The following TMEM108 variants were observed in gnomAD, a reference collection of about 807,000 sequenced individuals.
TMEM108 encodes transmembrane protein 108.
In TMEM108, 12 loss-of-function variants were observed where a neutral mutation model predicts 35.1. The ratio of observed to expected loss-of-function variants is 0.34; its 90% CI spans 0.22 to 0.55. The LOEUF (loss-of-function observed/expected upper bound fraction) is 0.55, where lower values mean the gene tolerates loss of function less well. TMEM108 is among the 20% of genes least tolerant of loss of function. The probability of loss-of-function intolerance (pLI) is 0.89; values close to 1 mark genes in which losing one functional copy is unlikely to be tolerated. For missense variants in TMEM108, 680 were observed against 753.3 expected (o/e 0.90, Z 1.14); for synonymous variants, 287 against 308.6 (o/e 0.93, Z 0.73).
chr3:133,110,206 T>G (rs1388571029), intron 2 of TMEM108, among the ~76,000 whole-genome samples: 1 of 152,138 alleles, frequency 6.6e-6, no homozygotes, highest in African/African-American at 2.4e-5. Context: ...CTACATAAAC[T>G]TAAACTCTGT....
At position 133,163,746 on chromosome 3, in the gene TMEM108, A is replaced by C. The variant is rs549086300; in HGVS notation, c.-46-65520A>C. Among the ~76,000 whole-genome samples the C allele has an allele frequency of 3.9e-5, 6 of 152,296 alleles. No homozygotes were observed. The South Asian group carries it at 1.2e-3, about 32-fold the overall frequency. ...GCCTCACTGAGAGGTGGGAGAGTTG[A>C]TGCTCAGGGGCCTGAATCTATGAGT... On this transcript the variant is annotated intron_variant, in intron 2 of 5. Transcript: ENST00000321871.
At chr3:133,293,464 G>A (rs529103101) in intron 3 of TMEM108, among the ~76,000 whole-genome samples, 1 of 151,630 alleles carries the variant, frequency 6.6e-6, no homozygotes, top group East Asian at 2.0e-4. Context: ...AATGAATGAG[G>A]TTTGGACACT....
At chr3:133,069,930 T>G (rs564451582) in intron 2 of TMEM108, among the ~76,000 whole-genome samples, 1 of 152,308 alleles carries the variant, frequency 6.6e-6, no homozygotes, top group East Asian at 1.9e-4. Context: ...CCTATTTTTA[T>G]TCACTATTTT....
intron 2 of TMEM108, among the ~76,000 whole-genome samples, chr3:133,105,098 A>G (rs907491398): frequency 1.3e-5 from 2 of 152,198 alleles, no homozygotes; most frequent in South Asian, 2.1e-4. Context: ...ACAAAATACT[A>G]CAAGTTTATT....
intron 3 of TMEM108, among the ~76,000 whole-genome samples, chr3:133,329,029 A>C (rs752995504): frequency 5.3e-5 from 8 of 151,126 alleles, no homozygotes; most frequent in Non-Finnish European, 1.2e-4. Flanking sequence ...CAACCCCTGC[A>C]GGCTGCCTAA....
intron 2 of TMEM108, among the ~76,000 whole-genome samples, chr3:133,226,807 T>C (rs955366161): frequency 2.0e-5 from 3 of 152,194 alleles, no homozygotes; most frequent in African/African-American, 7.2e-5. Flanking sequence ...ACACTACTAA[T>C]AAAGACATAC....
At chr3:133,197,900 T>A (rs1019368140) in intron 2 of TMEM108, among the ~76,000 whole-genome samples, 13 of 152,240 alleles carry the variant, frequency 8.5e-5, no homozygotes, top group Admixed American at 8.5e-4. Context: ...GTTAGAAGCC[T>A]CTGACAAAAC....
chr3:133,141,264 G>A (rs1481869413), intron 2 of TMEM108, among the ~76,000 whole-genome samples: 1 of 152,118 alleles, frequency 6.6e-6, no homozygotes, highest in Non-Finnish European at 1.5e-5. Context: ...TGGATACTGA[G>A]AGCAAGGTTC....
chr3:133,042,267 G>A (rs1943284871), intron 1 of TMEM108, among the ~76,000 whole-genome samples: 1 of 152,184 alleles, frequency 6.6e-6, no homozygotes, highest in South Asian at 2.1e-4. Context: ...GCTGCTTTGT[G>A]TAGTTCCCAT....
chr3:133,291,728 C>G (rs1424108298), intron 3 of TMEM108, among the ~76,000 whole-genome samples: 1 of 152,110 alleles, frequency 6.6e-6, no homozygotes, highest in Non-Finnish European at 1.5e-5. Context: ...CTTAATGAAG[C>G]CATCAAACTC....
intron 2 of TMEM108, among the ~76,000 whole-genome samples, chr3:133,183,124 C>T (rs1425770427): frequency 2.0e-5 from 3 of 152,068 alleles, no homozygotes; most frequent in African/African-American, 4.8e-5. Flanking sequence ...TTGAGTGTCA[C>T]GTTGACATTC....
intron 2 of TMEM108, among the ~76,000 whole-genome samples, chr3:133,179,467 T>C (rs368360819): frequency 6.6e-6 from 1 of 151,986 alleles, no homozygotes; most frequent in African/African-American, 2.4e-5. Context: ...CATGGAATAC[T>C]ATGCAGCCAT....
At chr3:133,179,305 G>A (rs1945291554) in intron 2 of TMEM108, among the ~76,000 whole-genome samples, 1 of 152,084 alleles carries the variant, frequency 6.6e-6, no homozygotes, top group South Asian at 2.1e-4. Context: ...CCCATTACTG[G>A]GTATATACCC....
chr3:133,283,976 C>T (rs1037531403), intron 3 of TMEM108, among the ~76,000 whole-genome samples: 14 of 147,860 alleles, frequency 9.5e-5, no homozygotes, highest in South Asian at 9.0e-4. Context: ...AGCACTCAGT[C>T]GTCACATGTG....
At chr3:133,391,211 G>A (rs774787146) in intron 5 of TMEM108, among the ~76,000 whole-genome samples, 4 of 152,168 alleles carry the variant, frequency 2.6e-5, no homozygotes, top group African/African-American at 9.7e-5. Context: ...TGTGATCAGC[G>A]AATGGATAAG....
chr3:133,087,711 A>G (rs1273272579), intron 2 of TMEM108, among the ~76,000 whole-genome samples: 1 of 152,088 alleles, frequency 6.6e-6, no homozygotes, highest in African/African-American at 2.4e-5. Flanking sequence ...TTGTCTGCCT[A>G]ACAGGGCTTC....
At chr3:133,050,824 T>C (rs573010101) in intron 2 of TMEM108, among the ~76,000 whole-genome samples, 2 of 152,180 alleles carry the variant, frequency 1.3e-5, no homozygotes, top group South Asian at 4.2e-4. Flanking sequence ...CCTCTATGTC[T>C]TTCATGGTTT....
chr3:133,207,456 T>C lies in TMEM108; in HGVS notation c.-46-21810T>C, dbSNP rs373786568. Among the ~76,000 whole-genome samples, 18 of 152,222 alleles carry C rather than the reference T, an allele frequency of 1.2e-4. No homozygotes were observed. The East Asian group carries it at 1.7e-3, about 15-fold the overall frequency. On this transcript the variant is annotated intron_variant, in intron 2 of 5. Transcript: ENST00000321871. ...TCTTGCCAGCCCTCCCCTGGACCTC[T>C]GATTTGAGCTGATTTGTCAGGCGAA... is the stretch of plus-strand genomic sequence containing the variant.
intron 2 of TMEM108, among the ~76,000 whole-genome samples, chr3:133,222,663 C>T (rs894348633): frequency 6.6e-6 from 1 of 151,802 alleles, no homozygotes; most frequent in Non-Finnish European, 1.5e-5. Context: ...TTGTTGATGC[C>T]TTCTATTGCA....
Sources: allele counts gnomAD v4.1 joint callset (sites outside exome capture counted in the v4.1 genomes callset), GRCh38; gene constraint gnomAD v4.1.1; transcripts MANE v1.5; gene names NCBI Gene and HGNC (gene_info 2026-07-23, HGNC 2026-07-21).